The following RILPL1 variants were observed in gnomAD, a reference collection of about 807,000 sequenced individuals.
RILPL1 encodes Rab interacting lysosomal protein like 1, also known as RILP-like protein 1.
RILPL1 carries 33 observed loss-of-function variants against 50.3 expected under a neutral mutation model. That is an observed-to-expected ratio of 0.66 (90% CI 0.50 to 0.88). The LOEUF is 0.88. Ranked by LOEUF, RILPL1 falls within the 40% of genes least tolerant of loss-of-function variation. The probability of loss-of-function intolerance (pLI) is 0.00; values close to 1 mark genes in which losing one functional copy is unlikely to be tolerated. For synonymous variants in RILPL1, 205 were observed against 228.6 expected (o/e 0.90, Z 0.93); for missense variants, 418 against 542.5 (o/e 0.77, Z 2.28).
At chr12:123,509,970 G>A (rs1206361904) in intron 2 of RILPL1, among the ~76,000 whole-genome samples, 2 of 152,376 alleles carry the variant, frequency 1.3e-5, no homozygotes, top group Non-Finnish European at 2.9e-5. Context: ...GCCGAGGCCT[G>A]GCATGTGTGG....
chr12:123,514,933 CTTT>C (rs57468238), intron 2 of RILPL1, among the ~76,000 whole-genome samples: 105 of 145,262 alleles, frequency 7.2e-4, no homozygotes, highest in African/African-American at 2.4e-3. Flanking sequence ...TACATAAATA[CTTT>C]TTTTTTTTTT....
intron 4 of RILPL1, among the ~76,000 whole-genome samples, chr12:123,488,552 T>A (rs1436076380): frequency 6.6e-6 from 1 of 152,090 alleles, no homozygotes; most frequent in Non-Finnish European, 1.5e-5. Flanking sequence ...GCTGAGGGAT[T>A]CCAGAAGGCA....
intron 6 of RILPL1, among the ~76,000 whole-genome samples, chr12:123,483,053 T>C (rs1409763611): frequency 6.6e-6 from 1 of 152,226 alleles, no homozygotes; most frequent in Admixed American, 6.5e-5. Flanking sequence ...CTCCACTTCC[T>C]CTCCCTACAC....
chr12:123,500,713 A>C (rs1883326533), intron 2 of RILPL1, among the ~76,000 whole-genome samples: 1 of 151,986 alleles, frequency 6.6e-6, no homozygotes, highest in Non-Finnish European at 1.5e-5. Flanking sequence ...CTCAGTTTCC[A>C]CCCTATAAAG....
chr12:123,498,770 A>G lies in RILPL1; in HGVS notation c.580-5T>C. The G allele has an allele frequency of 1.2e-6, 2 of 1,611,330 alleles. No individual in the cohort carries two copies. The highest frequency in any genetic ancestry group is 1.7e-6 in the Non-Finnish European group (2 of 1,179,830). ...CCGTGTCTGCTGCTGCTGTAACTGTAGAAAAAGGGAGACCATTGTGCGGGG... is the reference window on the plus strand; with the variant it reads ...CCGTGTCTGCTGCTGCTGTAACTGTGGAAAAAGGGAGACCATTGTGCGGGG... On this transcript the variant is annotated splice_polypyrimidine_tract_variant and splice_region_variant and intron_variant, in intron 3 of 6. Transcript: ENST00000376874. The surrounding 1 kb of genome is among the most constrained non-coding windows in gnomAD (Gnocchi z 4.3).
Position 123,510,320 on chromosome 12 carries a change from G to A in RILPL1, c.461-10784C>T, listed in dbSNP as rs145290967. 2.0e-3 allele frequency among the ~76,000 whole-genome samples: 300 copies of A among 152,314 alleles called. 3 individuals are homozygous for A. The highest frequency in any genetic ancestry group is 6.7e-3 in the African/African-American group (280 of 41,564). On this transcript the variant is annotated intron_variant, in intron 2 of 6. Coordinates refer to ENST00000376874, the MANE Select transcript of RILPL1 (RefSeq NM_178314.5). ...TTAGCTGGTGGGACCCGGGGACACG[G>A]CTAACGCTTCCCAGAAAGGCGACCC...
At chr12:123,526,947 G>A (rs1885284177) in intron 1 of RILPL1, among the ~76,000 whole-genome samples, 1 of 152,152 alleles carries the variant, frequency 6.6e-6, no homozygotes, top group African/African-American at 2.4e-5. Context: ...CTGGGGCAGG[G>A]AGAATAATGG....
intron 2 of RILPL1, among the ~76,000 whole-genome samples, chr12:123,521,541 ATATATATGTGTG>A (rs1262910586): frequency 2.3e-5 from 3 of 129,504 alleles, no homozygotes; most frequent in African/African-American, 8.7e-5. Flanking sequence ...AAATATATGT[ATATATATGTGTG>A]TATATATATT....
chr12:123,499,618 CTG>C, intron 2 of RILPL1, 82 bp from the exon 3 acceptor site: 1 of 1,114,140 alleles, frequency 9.0e-7, no homozygotes, highest in South Asian at 1.3e-5. Context: ...GAGGATGAAA[CTG>C]AGGTCTTAGT....
At chr12:123,523,395 G>T in intron 2 of RILPL1, 100 bp downstream of exon 2, 1 of 1,389,156 alleles carries the variant, frequency 7.2e-7, no homozygotes, top group Non-Finnish European at 1.0e-6. Context: ...GAATCAGCCA[G>T]CACCGCATCA....
At chr12:123,509,140 ACAAC>A (rs1883933718) in intron 2 of RILPL1, among the ~76,000 whole-genome samples, 1 of 124,326 alleles carries the variant, frequency 8.0e-6, no homozygotes, top group African/African-American at 3.8e-5. Context: ...CCGTCTCAAA[ACAAC>A]AAACAAACAA....
intron 2 of RILPL1, among the ~76,000 whole-genome samples, chr12:123,502,613 C>G (rs534401005): frequency 5.3e-5 from 8 of 152,226 alleles, no homozygotes; most frequent in Non-Finnish European, 1.2e-4. Flanking sequence ...GGGCAAGGCC[C>G]TATCTGCCCT....
chr12:123,528,436 T>G (rs1885334769), intron 1 of RILPL1, among the ~76,000 whole-genome samples: 2 of 151,228 alleles, frequency 1.3e-5, no homozygotes, highest in Admixed American at 1.3e-4. Flanking sequence ...GTTGTTTGTT[T>G]TTTTTTTTTG....
intron 4 of RILPL1, among the ~76,000 whole-genome samples, chr12:123,486,036 G>A (rs914930720): frequency 3.3e-5 from 5 of 152,038 alleles, no homozygotes; most frequent in African/African-American, 9.7e-5. Flanking sequence ...CCGAACCCAC[G>A]GACCCCGCAC....
chr12:123,505,468 G>A (rs115653728), intron 2 of RILPL1, among the ~76,000 whole-genome samples: 3,374 of 151,682 alleles, frequency 0.022, 107 homozygotes, highest in African/African-American at 0.073. Context: ...GGACCACTGC[G>A]TGCACCACCA....
Position 123,533,446 on chromosome 12 carries a change from A to G in RILPL1, c.37T>C (p.Ser13Pro). 1 of 1,529,406 alleles carries G rather than the reference A, an allele frequency of 6.5e-7. No individual in the cohort carries two copies. 94.7% of individuals were successfully genotyped at this position (1,529,406 alleles called of 1,614,324 possible). A position where few individuals can be genotyped will look rare whatever the true frequency, so the allele number is the denominator to read the frequency against. The change falls in exon 1 of 7, where the codon TCG becomes CCG. Residue 13 changes from serine to proline, a missense_variant. Coordinates refer to ENST00000376874, the MANE Select transcript of RILPL1 (RefSeq NM_178314.5). The surrounding 1 kb of genome is among the most constrained non-coding windows in gnomAD (Gnocchi z 6.2). ...TCGGCCACGTTCTTCTCCAGCGCCG[A>G]CTCGGCCGCCAGCGCCGACCCCCGC... Reference protein sequence around the residue: ...EERGSALAAESALEKNVAELT... With the variant: ...EERGSALAAEPALEKNVAELT...
intron 1 of RILPL1, among the ~76,000 whole-genome samples, chr12:123,530,303 T>G (rs1258259723): frequency 6.6e-6 from 1 of 152,070 alleles, no homozygotes; most frequent in African/African-American, 2.4e-5. Flanking sequence ...ATAGCTGGGA[T>G]TATAGGCACT....
At chr12:123,508,957 G>A (rs1295546788) in intron 2 of RILPL1, among the ~76,000 whole-genome samples, 2 of 152,108 alleles carry the variant, frequency 1.3e-5, no homozygotes, top group Non-Finnish European at 2.9e-5. Context: ...AAGCTGAGGA[G>A]GGCGGATCAC....
intron 2 of RILPL1, among the ~76,000 whole-genome samples, chr12:123,512,297 TG>T (rs796285447): frequency 1.6e-3 from 1 of 636 alleles, no homozygotes; most frequent in African/African-American, 6.8e-3. Context: ...GAGGTCTGTG[TG>T]GAGGTCTGTG....
Sources: allele counts gnomAD v4.1 joint callset (sites outside exome capture counted in the v4.1 genomes callset), GRCh38; gene constraint gnomAD v4.1.1; non-coding constraint Gnocchi (gnomAD v3.1); transcripts MANE v1.5; gene names NCBI Gene and HGNC (gene_info 2026-07-23, HGNC 2026-07-21).